Variants in ZFHX3 observed in about 807,000 individuals in gnomAD.
The protein encoded by ZFHX3 is zinc finger homeobox protein 3.
In ZFHX3, 42 loss-of-function variants were observed where a neutral mutation model predicts 279.1. The ratio of observed to expected loss-of-function variants is 0.15; its 90% confidence interval spans 0.12 to 0.19. The LOEUF (loss-of-function observed/expected upper bound fraction) is 0.19, where lower values mean the gene tolerates loss of function less well. Among genes scored for constraint, ZFHX3 ranks in the 10% least tolerant of loss-of-function variants. The probability of loss-of-function intolerance (pLI) is 1.00; values close to 1 mark genes in which losing one functional copy is unlikely to be tolerated. For missense variants in ZFHX3, 4,981 were observed against 4,754.0 expected (o/e 1.05, Z -1.40); for synonymous variants, 2,293 against 1,957.8 (o/e 1.17, Z -4.52).
chr16:73,339,676 C>G (rs2015991331), intron 3 of ZFHX3, among the ~76,000 whole-genome samples: 1 of 152,160 alleles, frequency 6.6e-6, no homozygotes, highest in African/African-American at 2.4e-5. Flanking sequence ...ACTAATCAAC[C>G]ATGAAGAGTA....
chr16:73,070,397 T>C (rs1052200948), intron 8 of ZFHX3, among the ~76,000 whole-genome samples: 1 of 152,152 alleles, frequency 6.6e-6, no homozygotes, highest in Admixed American at 6.5e-5. Flanking sequence ...TGAGCTTAGA[T>C]TCACATTTGT....
At chr16:73,487,083 T>C (rs2018988833) in intron 2 of ZFHX3, among the ~76,000 whole-genome samples, 1 of 152,134 alleles carries the variant, frequency 6.6e-6, no homozygotes, top group Non-Finnish European at 1.5e-5. Context: ...GGTAGAAGAA[T>C]AGTGTTCCTT....
intron 4 of ZFHX3, among the ~76,000 whole-genome samples, chr16:72,858,468 AAG>A (rs1266787444): frequency 3.3e-5 from 5 of 152,218 alleles, no homozygotes; most frequent in African/African-American, 7.2e-5. Context: ...GGTGAAAATA[AAG>A]AGAGAGTCGA....
intron 3 of ZFHX3, among the ~76,000 whole-genome samples, chr16:73,383,197 T>C (rs1432982509): frequency 1.3e-5 from 2 of 152,202 alleles, no homozygotes; most frequent in African/African-American, 4.8e-5. Flanking sequence ...TTTCAAGTGA[T>C]CAGTGGTCAA....
intron 9 of ZFHX3, among the ~76,000 whole-genome samples, chr16:72,792,754 T>C (rs1334169626): frequency 6.6e-6 from 1 of 152,156 alleles, no homozygotes; most frequent in Non-Finnish European, 1.5e-5. Flanking sequence ...CCGGCCCTGA[T>C]AGCAGTTCTT....
intron 1 of ZFHX3, among the ~76,000 whole-genome samples, chr16:73,771,379 G>C (rs1303480586): frequency 6.6e-6 from 1 of 152,138 alleles, no homozygotes; most frequent in Non-Finnish European, 1.5e-5. Flanking sequence ...TCCCACAGCA[G>C]AGCTGGTCAG....
chr16:73,068,135 A>G (rs1965778616), intron 8 of ZFHX3, among the ~76,000 whole-genome samples: 2 of 152,198 alleles, frequency 1.3e-5, no homozygotes, highest in Admixed American at 1.3e-4. Flanking sequence ...TATTAGTCCC[A>G]TCTTATAGAT....
upstream of ZFHX3, chr16:73,061,056 CAG>C (rs1463818142): frequency 6.6e-6 from 1 of 152,084 alleles, no homozygotes; most frequent in Non-Finnish European, 1.5e-5. Context: ...TTAGAAAAAT[CAG>C]GGGTTTCCTC....
chr16:73,117,349 G>A (rs977825219), intron 7 of ZFHX3, among the ~76,000 whole-genome samples: 1 of 152,150 alleles, frequency 6.6e-6, no homozygotes. Flanking sequence ...ATATGCACAT[G>A]CATAATTGTA....
At chr16:73,883,219 G>A (rs1481172954) in intron 1 of ZFHX3, among the ~76,000 whole-genome samples, 1 of 152,012 alleles carries the variant, frequency 6.6e-6, no homozygotes, top group Non-Finnish European at 1.5e-5. Context: ...AAAATATGCA[G>A]TATTAACACA....
intron 5 of ZFHX3, among the ~76,000 whole-genome samples, chr16:73,181,139 T>C (rs1246525519): frequency 6.6e-6 from 1 of 150,448 alleles, no homozygotes; most frequent in African/African-American, 2.4e-5. Context: ...TCTTGCTCTG[T>C]TGCCAGGCTG....
chr16:73,867,108 C>G (rs1334140068), intron 1 of ZFHX3, among the ~76,000 whole-genome samples: 1 of 152,066 alleles, frequency 6.6e-6, no homozygotes, highest in Non-Finnish European at 1.5e-5. Context: ...AACTGCCCCA[C>G]CTCAACTACA....
intron 1 of ZFHX3, among the ~76,000 whole-genome samples, chr16:73,816,944 GCA>G (rs896440065): frequency 2.0e-5 from 3 of 152,174 alleles, no homozygotes; most frequent in African/African-American, 7.2e-5. Context: ...TGCAGTTTTA[GCA>G]CAGTTTGAGC....
In ZFHX3 at chr16:72,787,737, ACTGCCACCGCCGCCG is replaced by A. The variant is rs1567506563; in HGVS notation, c.10524_10538del (p.Ser3513_Gly3517del). Reference sequence around the variant, plus strand: ...CGCCGCCACCGCCGCCGCCGCCGCCACTGCCACCGCCGCCGCCGCCGGTGGGGACGTGAAGCACCA... The same window carrying A: ...CGCCGCCACCGCCGCCGCCGCCGCCACCGCCGGTGGGGACGTGAAGCACCA... On this transcript the variant is annotated inframe_deletion, in exon 10 of 10. Coordinates refer to ENST00000268489, the MANE Select transcript of ZFHX3 (RefSeq NM_006885.4). 7.2e-7 allele frequency: 1 copy of A among 1,390,144 alleles called. No homozygotes were observed. Among genetic ancestry groups the A allele is most frequent in the Non-Finnish European group, 9.3e-7 (1 of 1,069,920 alleles). 86.1% of individuals were successfully genotyped at this position (1,390,144 alleles called of 1,614,324 possible). A position where few individuals can be genotyped will look rare whatever the true frequency, so the allele number is the denominator to read the frequency against.
chr16:72,801,530 G>A (rs2036099355), intron 7 of ZFHX3, among the ~76,000 whole-genome samples: 2 of 152,120 alleles, frequency 1.3e-5, no homozygotes, highest in South Asian at 2.1e-4. Context: ...ACACTTAGGG[G>A]TATTAGAATA....
intron 5 of ZFHX3, among the ~76,000 whole-genome samples, chr16:72,815,536 C>T (rs1361317842): frequency 6.6e-6 from 1 of 152,190 alleles, no homozygotes; most frequent in African/African-American, 2.4e-5. Flanking sequence ...GGGCCAGAGT[C>T]TCAGAATCAA....
At chr16:73,811,556 T>G (rs1960426909) in intron 1 of ZFHX3, among the ~76,000 whole-genome samples, 1 of 150,354 alleles carries the variant, frequency 6.7e-6, no homozygotes, top group Non-Finnish European at 1.5e-5. Flanking sequence ...GCGATTCTCC[T>G]GCCTCAGCCT....
chr16:73,381,464 G>A (rs1212761976), intron 3 of ZFHX3, among the ~76,000 whole-genome samples: 2 of 152,174 alleles, frequency 1.3e-5, no homozygotes, highest in Non-Finnish European at 2.9e-5. Context: ...ACAAAGAGAT[G>A]AGTGGAAAAG....
chr16:73,303,313 C>A (rs1376996930), intron 4 of ZFHX3, among the ~76,000 whole-genome samples: 1 of 152,126 alleles, frequency 6.6e-6, no homozygotes, highest in Non-Finnish European at 1.5e-5. Context: ...CAGGTATGAG[C>A]CATTATGTTG....
Sources: gnomAD v4.1 joint callset for allele counts (sites outside exome capture counted in the v4.1 genomes callset) on GRCh38, gnomAD v4.1.1 for gene constraint, MANE v1.5 for transcripts, NCBI Gene and HGNC (gene_info 2026-07-23, HGNC 2026-07-21) for gene names.